The following PCDH9 variants were observed in gnomAD, a reference collection of about 807,000 sequenced individuals.
The protein encoded by PCDH9 is protocadherin 9.
In PCDH9, 24 loss-of-function variants were observed where a neutral mutation model predicts 70.6. The observed-to-expected ratio is 0.34, with a 90% confidence interval of 0.25 to 0.48. The LOEUF (loss-of-function observed/expected upper bound fraction) is 0.48. Ranked by LOEUF, PCDH9 falls within the 20% of genes least tolerant of loss-of-function variation. The pLI is 0.99. For missense variants in PCDH9, 1,281 were observed against 1,503.6 expected (o/e 0.85, Z 2.45); for synonymous variants, 562 against 558.5 (o/e 1.01, Z -0.09).
chr13:66,700,917 CATATAAATAT>C (rs770347114), intron 3 of PCDH9, among the ~76,000 whole-genome samples: 1,343 of 51,712 alleles, frequency 0.026, 112 homozygotes, highest in East Asian at 0.16. Flanking sequence ...TATGTGTGTA[CATATAAATAT>C]ATATATATAT....
intron 4 of PCDH9, among the ~76,000 whole-genome samples, chr13:66,342,829 A>T (rs1000948334): frequency 6.8e-6 from 1 of 147,554 alleles, no homozygotes; most frequent in Non-Finnish European, 1.5e-5. Context: ...TTTATTTATT[A>T]GAGATGAGTT....
chr13:66,366,550 G>C (rs1357721034), intron 4 of PCDH9, among the ~76,000 whole-genome samples: 1 of 151,802 alleles, frequency 6.6e-6, no homozygotes, highest in African/African-American at 2.4e-5. Flanking sequence ...TGAACTATGA[G>C]ACTTTTTAAT....
At chr13:66,788,648 ATTTTTTTTTTTTT>A (rs58386697) in intron 3 of PCDH9, among the ~76,000 whole-genome samples, 1 of 81,886 alleles carries the variant, frequency 1.2e-5, no homozygotes, top group East Asian at 3.4e-4. Flanking sequence ...CTAAACAGTA[ATTTTTTTTTTTTT>A]TTTTTTTTTT....
chr13:67,125,690 AT>A (rs1332116604), intron 2 of PCDH9, among the ~76,000 whole-genome samples: 1 of 152,190 alleles, frequency 6.6e-6, no homozygotes, highest in African/African-American at 2.4e-5. Context: ...TAGGTTCTCC[AT>A]CATCACCTCT....
chr13:66,670,353 A>G (rs546079129), intron 3 of PCDH9, among the ~76,000 whole-genome samples: 1 of 152,346 alleles, frequency 6.6e-6, no homozygotes, highest in East Asian at 1.9e-4. Flanking sequence ...TATCACTAAT[A>G]TCAATGAGAT....
At chr13:66,730,876 G>GTTTTTTTTTTTTTTTTTTT (rs758928616) in intron 3 of PCDH9, among the ~76,000 whole-genome samples, 6 of 46,358 alleles carry the variant, frequency 1.3e-4, no homozygotes, top group African/African-American at 3.8e-4. Context: ...GTGTGTGTGT[G>GTTTTTTTTTTTTTTTTTTT]TTTTTTTTTT....
At chr13:66,496,086 C>G (rs1959112419) in intron 4 of PCDH9, among the ~76,000 whole-genome samples, 1 of 152,180 alleles carries the variant, frequency 6.6e-6, no homozygotes. Context: ...TAACACTCAA[C>G]TATCTATCTC....
intron 4 of PCDH9, among the ~76,000 whole-genome samples, chr13:66,463,468 A>AG (rs965170423): frequency 2.6e-5 from 4 of 151,884 alleles, no homozygotes; most frequent in Admixed American, 2.6e-4. Context: ...AGAGAGAGAG[A>AG]AAAAAAAGAG....
chr13:66,676,363 C>A (rs1395206280), intron 3 of PCDH9, among the ~76,000 whole-genome samples: 1 of 151,686 alleles, frequency 6.6e-6, no homozygotes, highest in African/African-American at 2.4e-5. Flanking sequence ...AATTTAGTAA[C>A]AAAATTCTAT....
chr13:66,825,778 T>C (rs1780034674), intron 3 of PCDH9, among the ~76,000 whole-genome samples: 1 of 152,180 alleles, frequency 6.6e-6, no homozygotes, highest in Non-Finnish European at 1.5e-5. Context: ...CAACAACTAC[T>C]CTACATGAAT....
intron 2 of PCDH9, among the ~76,000 whole-genome samples, chr13:66,952,063 G>A (rs185764958): frequency 6.6e-5 from 10 of 152,208 alleles, no homozygotes; most frequent in East Asian, 1.9e-4. Context: ...TATACAAGTC[G>A]TTTCTCTGAA....
At chr13:67,217,328 G>A (rs2089631991) in intron 2 of PCDH9, 1 of 150,926 alleles carries the variant, frequency 6.6e-6, no homozygotes, top group Non-Finnish European at 1.5e-5. Flanking sequence ...CACAAAAACT[G>A]TTTTCTTTTC....
At chr13:67,103,767 G>A (rs1189157200) in intron 2 of PCDH9, among the ~76,000 whole-genome samples, 1 of 152,136 alleles carries the variant, frequency 6.6e-6, no homozygotes, top group Non-Finnish European at 1.5e-5. Flanking sequence ...ATTGCATGGG[G>A]ACTTGAATGC....
At chr13:66,874,942 T>TGAGAGA (rs1555279830) in intron 3 of PCDH9, among the ~76,000 whole-genome samples, 9 of 109,932 alleles carry the variant, frequency 8.2e-5, no homozygotes, top group African/African-American at 2.5e-4. Flanking sequence ...TGTGTGTGTG[T>TGAGAGA]GAGAGAGAGA....
intron 2 of PCDH9, among the ~76,000 whole-genome samples, chr13:67,192,250 T>C (rs776048821): frequency 2.0e-5 from 3 of 152,158 alleles, no homozygotes; most frequent in Non-Finnish European, 4.4e-5. Flanking sequence ...GAAAAAAATC[T>C]GATTTTCCAA....
intron 4 of PCDH9, among the ~76,000 whole-genome samples, chr13:66,492,116 G>A (rs916175266): frequency 6.6e-6 from 1 of 152,102 alleles, no homozygotes; most frequent in African/African-American, 2.4e-5. Context: ...AAAGAGAAAT[G>A]TCACAGAAAA....
chr13:66,474,580 C>A (rs1462673698), intron 4 of PCDH9, among the ~76,000 whole-genome samples: 1 of 151,962 alleles, frequency 6.6e-6, no homozygotes, highest in Non-Finnish European at 1.5e-5. Context: ...TGAAATATAT[C>A]ATAATACAAA....
intron 4 of PCDH9, among the ~76,000 whole-genome samples, chr13:66,615,513 T>A (rs1484615257): frequency 1.3e-5 from 2 of 152,224 alleles, no homozygotes; most frequent in African/African-American, 4.8e-5. Flanking sequence ...CATAGACAAT[T>A]GTCATCTTGT....
intron 3 of PCDH9, among the ~76,000 whole-genome samples, chr13:66,791,463 T>C (rs567063949): frequency 6.6e-6 from 1 of 152,246 alleles, no homozygotes; most frequent in South Asian, 2.1e-4. Flanking sequence ...TTTTGTGATT[T>C]ATATACACAC....
Sources: allele counts gnomAD v4.1 joint callset (sites outside exome capture counted in the v4.1 genomes callset), GRCh38; gene constraint gnomAD v4.1.1; transcripts MANE v1.5; gene names NCBI Gene and HGNC (gene_info 2026-07-23, HGNC 2026-07-21).